Variants in WWOX observed in about 807,000 individuals in gnomAD.
The protein encoded by WWOX is WW domain-containing oxidoreductase.
In WWOX, 69 loss-of-function variants were observed where a neutral mutation model predicts 46.2. The ratio of observed to expected loss-of-function variants is 1.49; its 90% CI spans 1.23 to 1.82. The LOEUF (loss-of-function observed/expected upper bound fraction) is 1.82, where lower values mean the gene tolerates loss of function less well. Among genes scored for constraint, WWOX ranks in the 40% most tolerant of loss-of-function variants. The pLI is 0.00. For missense variants in WWOX, 919 were observed against 542.6 expected, an observed-to-expected ratio of 1.69 and a Z score of -6.89; for synonymous variants, 359 against 202.6, an observed-to-expected ratio of 1.77 and a Z score of -6.56.
In WWOX at chr16:78,826,301, G is replaced by A. The variant is rs1211524653; in HGVS notation, c.1057-385307G>A. 3.9e-5 allele frequency among the ~76,000 whole-genome samples: 6 copies of A among 152,314 alleles called. No homozygotes were observed. In the East Asian group the frequency reaches 5.8e-4, roughly 15 times the overall value. Reference sequence around the variant, plus strand: ...GTGGAGGTTGCAGTGAGCCAAGATCGTGCCATTGCACTCCAGCCTGGGCAA... The same window carrying A: ...GTGGAGGTTGCAGTGAGCCAAGATCATGCCATTGCACTCCAGCCTGGGCAA... On this transcript the variant is annotated intron_variant, in intron 8 of 8. Coordinates refer to ENST00000566780, the MANE Select transcript of WWOX (RefSeq NM_016373.4).
chr16:78,663,504 A>G (rs1215755979), intron 8 of WWOX, among the ~76,000 whole-genome samples: 3 of 152,188 alleles, frequency 2.0e-5, no homozygotes, highest in Non-Finnish European at 4.4e-5. Context: ...TCTTATGGGT[A>G]ACACTTCTAT....
chr16:78,293,097 A>T (rs2079885911), intron 5 of WWOX, among the ~76,000 whole-genome samples: 1 of 152,096 alleles, frequency 6.6e-6, no homozygotes, highest in African/African-American at 2.4e-5. Context: ...CTCTACTTAG[A>T]TCATATTCTT....
intron 8 of WWOX, among the ~76,000 whole-genome samples, chr16:78,963,969 T>A (rs568256627): frequency 3.3e-5 from 5 of 152,106 alleles, no homozygotes; most frequent in Non-Finnish European, 5.9e-5. Context: ...TTCTGCAGTT[T>A]TTCTCTTGCC....
intron 8 of WWOX, among the ~76,000 whole-genome samples, chr16:78,690,329 T>C (rs933104721): frequency 6.6e-6 from 1 of 152,088 alleles, no homozygotes; most frequent in South Asian, 2.1e-4. Context: ...GTCAGAACGA[T>C]TGCTTGAGCT....
intron 8 of WWOX, among the ~76,000 whole-genome samples, chr16:79,132,595 G>T (rs979713734): frequency 6.6e-6 from 1 of 152,014 alleles, no homozygotes; most frequent in Non-Finnish European, 1.5e-5. Flanking sequence ...TGGTTTCTCT[G>T]TGTCTCTCTT....
intron 8 of WWOX, among the ~76,000 whole-genome samples, chr16:78,991,148 G>A (rs556780743): frequency 6.6e-6 from 1 of 152,304 alleles, no homozygotes; most frequent in East Asian, 1.9e-4. Context: ...GTCATTGATG[G>A]CACATTCAGC....
chr16:78,585,337 G>C (rs1038591129), intron 8 of WWOX, among the ~76,000 whole-genome samples: 1 of 152,270 alleles, frequency 6.6e-6, no homozygotes, highest in East Asian at 1.9e-4. Flanking sequence ...CCATCACCCT[G>C]GCTGCCAGCC....
In WWOX at chr16:78,693,389, T is replaced by C. The variant is rs79525015; in HGVS notation, c.1056+260637T>C. 9.9e-3 allele frequency among the ~76,000 whole-genome samples: 1,501 copies of C among 152,316 alleles called. 24 individuals carry two copies. Among genetic ancestry groups the C allele is most frequent in the African/African-American group, 0.035 (1,440 of 41,570 alleles). On this transcript the variant is annotated intron_variant, in intron 8 of 8. Coordinates refer to ENST00000566780, the MANE Select transcript of WWOX (RefSeq NM_016373.4). ...TCTGTTTCCTTTATTACTTCTAAGT[T>C]CCATTGCAAAAATATGCTGCCTGCT... is the stretch of plus-strand genomic sequence containing the variant.
chr16:78,324,048 C>T (rs892211873), intron 5 of WWOX, among the ~76,000 whole-genome samples: 16 of 152,118 alleles, frequency 1.1e-4, no homozygotes, highest in African/African-American at 3.6e-4. Flanking sequence ...CAAGAAAAAT[C>T]AATTTACAGG....
intron 8 of WWOX, among the ~76,000 whole-genome samples, chr16:79,033,807 C>G (rs1163532309): frequency 2.0e-5 from 3 of 152,220 alleles, no homozygotes; most frequent in Admixed American, 1.3e-4. Context: ...TAAGTGGAAT[C>G]ACACAGTGTG....
intron 8 of WWOX, among the ~76,000 whole-genome samples, chr16:79,208,316 C>T (rs1223941152): frequency 6.6e-6 from 1 of 152,044 alleles, no homozygotes; most frequent in African/African-American, 2.4e-5. Flanking sequence ...GGATAGACAC[C>T]TCCCCCGTTT....
chr16:78,816,048 A>C (rs2051321991), intron 8 of WWOX, among the ~76,000 whole-genome samples: 1 of 152,212 alleles, frequency 6.6e-6, no homozygotes, highest in Admixed American at 6.5e-5. Context: ...AACATGGCAG[A>C]AACATTCCTG....
At chr16:78,155,156 G>A (rs1237104335) in intron 4 of WWOX, among the ~76,000 whole-genome samples, 1 of 151,258 alleles carries the variant, frequency 6.6e-6, no homozygotes, top group Non-Finnish European at 1.5e-5. Flanking sequence ...ATTCAAATTA[G>A]GAAGGAAGGA....
At chr16:78,982,354 C>T (rs1389685513) in intron 8 of WWOX, among the ~76,000 whole-genome samples, 2 of 152,160 alleles carry the variant, frequency 1.3e-5, no homozygotes, top group Admixed American at 1.3e-4. Flanking sequence ...ATAAGTCTGT[C>T]AAAAAGAGTC....
chr16:78,181,655 TA>T (rs1271457871), intron 5 of WWOX, among the ~76,000 whole-genome samples: 1 of 152,204 alleles, frequency 6.6e-6, no homozygotes, highest in Non-Finnish European at 1.5e-5. Context: ...TGGGGTTACT[TA>T]ATACCAGATA....
intron 5 of WWOX, among the ~76,000 whole-genome samples, chr16:78,372,444 T>A (rs2081714544): frequency 6.6e-6 from 1 of 152,182 alleles, no homozygotes; most frequent in Admixed American, 6.5e-5. Context: ...AAGAAAAGAA[T>A]GAGAAACATG....
At chr16:78,838,412 A>G (rs1285719426) in intron 8 of WWOX, among the ~76,000 whole-genome samples, 2 of 152,188 alleles carry the variant, frequency 1.3e-5, no homozygotes, top group African/African-American at 4.8e-5. Context: ...AAATGTTGAG[A>G]CTTACACGTA....
At position 78,345,309 on chromosome 16, in the gene WWOX, G is replaced by T. The variant is rs1437338594; in HGVS notation, c.517-41551G>T. On this transcript the variant is annotated intron_variant, in intron 5 of 8. Transcript: ENST00000566780. ...AATGGCAAAAGTCACAATTACTTTTGTACCAACGTAATAGAATTAAGTAAA... is the reference window on the plus strand; with the variant it reads ...AATGGCAAAAGTCACAATTACTTTTTTACCAACGTAATAGAATTAAGTAAA... Among the ~76,000 whole-genome samples, 2 of 112,818 alleles carry T rather than the reference G, an allele frequency of 1.8e-5. 1 individual carries two copies. The highest frequency in any genetic ancestry group is 6.0e-5 in the African/African-American group (2 of 33,336). 74.0% of individuals were successfully genotyped at this position (112,818 alleles called of 152,430 possible).
chr16:78,512,912 T>G (rs2458031), intron 8 of WWOX, among the ~76,000 whole-genome samples: 82,777 of 152,120 alleles, frequency 0.54, 26,594 homozygotes, highest in Non-Finnish European at 0.7. Flanking sequence ...GTCTTACTTT[T>G]CAGGCAGTCC....
Sources: gnomAD v4.1 joint callset for allele counts (sites outside exome capture counted in the v4.1 genomes callset) on GRCh38, gnomAD v4.1.1 for gene constraint, MANE v1.5 for transcripts, NCBI Gene and HGNC (gene_info 2026-07-23, HGNC 2026-07-21) for gene names.